Variants in CLDN15 observed in about 807,000 individuals in gnomAD.
CLDN15 encodes the protein claudin 15.
CLDN15 carries 9 observed loss-of-function variants against 24.5 expected under a neutral mutation model. The observed-to-expected ratio is 0.37, with a 90% CI of 0.22 to 0.64. The LOEUF (loss-of-function observed/expected upper bound fraction) is 0.64. CLDN15 is among the 30% of genes least tolerant of loss of function. The pLI is 0.63. For missense variants in CLDN15, 248 were observed against 305.9 expected, an observed-to-expected ratio of 0.81 and a Z score of 1.41; for synonymous variants, 149 against 131.4, an observed-to-expected ratio of 1.13 and a Z score of -0.92.
intron 2 of CLDN15, chr7:101,233,662 A>G (rs534079327): frequency 5.9e-6 from 1 of 168,462 alleles, no homozygotes; most frequent in East Asian, 1.7e-4. Context: ...GCAGTGGCAC[A>G]ATCTTGGCTT....
chr7:101,233,553 A>G (rs896116454), intron 2 of CLDN15, among the ~76,000 whole-genome samples: 2 of 152,008 alleles, frequency 1.3e-5, no homozygotes. Context: ...GGTTCTCACT[A>G]TGCTGCCCAG....
Position 101,232,613 on chromosome 7 carries a change from G to C in CLDN15, c.572C>G (p.Pro191Arg), listed in dbSNP as rs900240262. The C allele has an allele frequency of 1.9e-6, 3 of 1,591,858 alleles. No homozygotes were observed. Among genetic ancestry groups the C allele is most frequent in the Non-Finnish European group, 2.6e-6 (3 of 1,169,580 alleles). ...GCCTCACCCTGCTCACCTGGCGGCT[G>C]GGTCCTCGTCAGAGCCGCAGCAGCA... is the stretch of plus-strand genomic sequence containing the variant. Reference protein sequence around the residue: ...SACCCGSDEDPAASARRPYQA... With the variant: ...SACCCGSDEDRAASARRPYQA... The change falls in exon 4 of 5, where the codon CCA becomes CGA. Residue 191 changes from proline to arginine, a missense_variant. Coordinates refer to ENST00000308344, the MANE Select transcript of CLDN15 (RefSeq NM_014343.3).
chr7:101,232,898 C>T lies in CLDN15; in HGVS notation c.399G>A (p.Val133=). The T allele has an allele frequency of 6.2e-7, 1 of 1,612,876 alleles. No individual in the cohort carries two copies. Among genetic ancestry groups the T allele is most frequent in the Admixed American group, 1.7e-5 (1 of 59,942 alleles). The change falls in exon 3 of 5, where the codon GTG becomes GTA. Residue 133 remains valine (V), a synonymous_variant. Coordinates refer to ENST00000308344, the MANE Select transcript of CLDN15 (RefSeq NM_014343.3). ...TGTTGAAGGCGTACCAGGAGATGGC[C>T]ACCATCCCGCAGATACCTGGGGACC... is the stretch of plus-strand genomic sequence containing the variant. ...LHILAGICGM[V]AISWYAFNIT...
At position 101,234,271 on chromosome 7, in the gene CLDN15, C is replaced by T. The variant is rs1418104378; in HGVS notation, c.382+7G>A. On this transcript the variant is annotated splice_region_variant and intron_variant, in intron 2 of 4. Coordinates refer to ENST00000308344, the MANE Select transcript of CLDN15 (RefSeq NM_014343.3). ...GGACCCCCGCCCCATCACCTTCCCC[C>T]AGTTACCGGCCAGAATGTGGAGGGC... The T allele has an allele frequency of 6.2e-7, 1 of 1,601,008 alleles. No homozygotes were observed. Among genetic ancestry groups the T allele is most frequent in the Admixed American group, 1.7e-5 (1 of 59,990 alleles).
chr7:101,237,699 A>C lies in CLDN15; in HGVS notation c.-118T>G, dbSNP rs1584268786. On this transcript the variant is annotated 5_prime_UTR_variant, in exon 1 of 5. Coordinates refer to ENST00000308344, the MANE Select transcript of CLDN15 (RefSeq NM_014343.3). The surrounding 1 kb of genome is among the most constrained non-coding windows in gnomAD (Gnocchi z 4.0). ...TGTCCAGGCAGGCTGGGGTGGAATC[A>C]GCCTCAGCCTCTGCCTGCCTCTTCC... 1 of 709,512 alleles carries C rather than the reference A, an allele frequency of 1.4e-6. No individual in the cohort carries two copies. Among genetic ancestry groups the C allele is most frequent in the East Asian group, 2.7e-5 (1 of 37,132 alleles). The allele number at this position is 709,512 out of a possible 1,614,324, so 44.0% of individuals were successfully genotyped here.
chr7:101,237,289 G>C lies in CLDN15; in HGVS notation c.217+76C>G, dbSNP rs895587346. On this transcript the variant is annotated intron_variant, in intron 1 of 4. Transcript: ENST00000308344. This position sits in a 1 kb window ranked among gnomAD's most constrained non-coding sequence, Gnocchi z 4.0. Reference sequence around the variant, plus strand: ...ATTCAGGGCTCCCTGCATCCTCACGGAAGTACCCGCCCTCCCCTGGGGTCT... The same window carrying C: ...ATTCAGGGCTCCCTGCATCCTCACGCAAGTACCCGCCCTCCCCTGGGGTCT... The C allele has an allele frequency of 6.2e-6, 6 of 969,748 alleles. No individual in the cohort carries two copies. The Admixed American group carries it at 8.0e-5, about 13-fold the overall frequency. 60.1% of individuals were successfully genotyped at this position (969,748 alleles called of 1,614,324 possible).
chr7:101,235,531 C>T (rs1453000755), intron 1 of CLDN15, among the ~76,000 whole-genome samples: 2 of 152,164 alleles, frequency 1.3e-5, no homozygotes, highest in Non-Finnish European at 1.5e-5. Context: ...CTGGAGGCTG[C>T]GGGCTCCCTC....
chr7:101,237,862 A>C, upstream of CLDN15: 1 of 458,734 alleles, frequency 2.2e-6, no homozygotes, highest in East Asian at 4.2e-5. The surrounding 1 kb of genome is among the most constrained non-coding windows in gnomAD (Gnocchi z 4.0). Flanking sequence ...AAACGGGCCA[A>C]AAGTCCACCC....
Position 101,237,027 on chromosome 7 carries a change from G to A in CLDN15, c.217+338C>T. ...CACGCTAACATTCTGCACTTTCTCA[G>A]TCACCTGTGAACTGGGACTCTCACC... On this transcript the variant is annotated intron_variant, in intron 1 of 4. Transcript: ENST00000308344. This position sits in a 1 kb window ranked among gnomAD's most constrained non-coding sequence, Gnocchi z 4.0. The A allele has an allele frequency of 4.8e-6, 2 of 419,078 alleles. No homozygotes were observed. Among genetic ancestry groups the A allele is most frequent in the Non-Finnish European group, 9.2e-6 (2 of 216,720 alleles). 26.0% of individuals were successfully genotyped at this position (419,078 alleles called of 1,614,324 possible).
intron 3 of CLDN15, 32 bp from the exon 4 acceptor site, chr7:101,232,752 C>A (rs886914111): frequency 2.5e-6 from 4 of 1,585,850 alleles, no homozygotes; most frequent in Admixed American, 1.7e-5. Flanking sequence ...GGGCGGGGGA[C>A]AAGTGAGACG....
Position 101,232,594 on chromosome 7 carries a change from C to T in CLDN15, c.581+10G>A. On this transcript the variant is annotated intron_variant, in intron 4 of 4. Transcript: ENST00000308344. ...CCGCCCGGCCCCAGCCTGCGCCTCA[C>T]CCTGCTCACCTGGCGGCTGGGTCCT... 2.5e-6 allele frequency: 4 copies of T among 1,595,616 alleles called. No individual in the cohort carries two copies. Among genetic ancestry groups the T allele is most frequent in the South Asian group, 2.2e-5 (2 of 89,586 alleles).
chr7:101,238,078 GAGAC>G (rs1392674301), upstream of CLDN15: 13 of 210,840 alleles, frequency 6.2e-5, no homozygotes, highest in Non-Finnish European at 9.8e-6. Flanking sequence ...AAAGATGACA[GAGAC>G]AGACGTGAGA....
intron 1 of CLDN15, among the ~76,000 whole-genome samples, chr7:101,236,162 G>C (rs1798617440): frequency 1.3e-5 from 2 of 152,256 alleles, no homozygotes; most frequent in African/African-American, 2.4e-5. Context: ...TGATGTGTCT[G>C]GGAAGTGGGT....
chr7:101,238,306 T>C (rs1340016116), upstream of CLDN15: 1 of 153,204 alleles, frequency 6.5e-6, no homozygotes, highest in Admixed American at 6.5e-5. Flanking sequence ...CCACCATCCA[T>C]TCACCAGGGA....
At position 101,237,659 on chromosome 7, in the gene CLDN15, G is replaced by T; in HGVS notation, c.-78C>A. ...AACCCCTAGGGAACTGGAAGGGGCT[G>T]CGGCTAAGGAGGGTTGTCCAGGCAG... is the stretch of plus-strand genomic sequence containing the variant. On this transcript the variant is annotated 5_prime_UTR_variant, in exon 1 of 5. Coordinates refer to ENST00000308344, the MANE Select transcript of CLDN15 (RefSeq NM_014343.3). The surrounding 1 kb of genome is among the most constrained non-coding windows in gnomAD (Gnocchi z 4.0). 4.8e-6 allele frequency: 5 copies of T among 1,050,232 alleles called. No individual in the cohort carries two copies. Among genetic ancestry groups the T allele is most frequent in the South Asian group, 4.0e-5 (3 of 75,590 alleles). 65.1% of individuals were successfully genotyped at this position (1,050,232 alleles called of 1,614,324 possible).
intron 1 of CLDN15, chr7:101,236,896 G>T: frequency 9.2e-7 from 1 of 1,083,454 alleles, no homozygotes; most frequent in Non-Finnish European, 1.3e-6. Context: ...CCTGGAAGTT[G>T]ATCAACCTCT....
At position 101,237,446 on chromosome 7, in the gene CLDN15, C is replaced by A; in HGVS notation, c.136G>T (p.Glu46Ter). The A allele has an allele frequency of 6.2e-7, 1 of 1,614,006 alleles. No homozygotes were observed. The highest frequency in any genetic ancestry group is 1.7e-5 in the Admixed American group (1 of 59,976). Residue 46 changes from glutamate (E) to a stop codon, truncating the protein, a stop_gained, in exon 1 of 5, where the codon GAG (glutamate) becomes TAG (stop). Coordinates refer to ENST00000308344, the MANE Select transcript of CLDN15 (RefSeq NM_014343.3). LOFTEE classifies it high-confidence loss of function. The surrounding 1 kb of genome is among the most constrained non-coding windows in gnomAD (Gnocchi z 4.0). Reference sequence around the variant, plus strand: ...GTGGCACAGCTAAACCAGAGGTTCTCGAAGATGGTGTTGGTGGTGATGACG... The same window carrying A: ...GTGGCACAGCTAAACCAGAGGTTCTAGAAGATGGTGTTGGTGGTGATGACG... ...GNVITTNTIFENLWFSCATDS... is the reference protein window; with the variant it reads ...GNVITTNTIF
At chr7:101,232,541 C>T in intron 4 of CLDN15, 26 bp from the exon 5 acceptor site, 2 of 1,597,270 alleles carry the variant, frequency 1.3e-6, no homozygotes, top group Non-Finnish European at 1.7e-6. Context: ...GGGGTCAGAG[C>T]GGGGGCGCGG....
In CLDN15 at chr7:101,232,737, C is replaced by CGCGGGG. The variant is rs748483503; in HGVS notation, c.465-23_465-18dup. 1 of 1,587,174 alleles carries CGCGGGG rather than the reference C, an allele frequency of 6.3e-7. No individual in the cohort carries two copies. Among genetic ancestry groups the CGCGGGG allele is most frequent in the East Asian group, 2.3e-5 (1 of 44,286 alleles). ...AGCTCGTACCTGCGCACAAGGGCGG[C>CGCGGGG]GCGGGGGCGGGGGACAAGTGAGACG... On this transcript the variant is annotated splice_polypyrimidine_tract_variant and intron_variant, in intron 3 of 4. Coordinates refer to ENST00000308344, the MANE Select transcript of CLDN15 (RefSeq NM_014343.3).
Sources: gnomAD v4.1 joint callset for allele counts (sites outside exome capture counted in the v4.1 genomes callset) on GRCh38, gnomAD v4.1.1 for gene constraint, Gnocchi (gnomAD v3.1) non-coding constraint, MANE v1.5 for transcripts, NCBI Gene and HGNC (gene_info 2026-07-23, HGNC 2026-07-21) for gene names.